Variants in PRPF6 observed in about 807,000 individuals in gnomAD.
PRPF6 encodes pre-mRNA processing factor 6, also known as pre-mRNA-processing factor 6.
Under a neutral mutation model 118.3 loss-of-function variants are expected in PRPF6, and 42 were observed. The ratio of observed to expected loss-of-function variants is 0.35; its 90% CI spans 0.28 to 0.46. The LOEUF is 0.46. Among genes scored for constraint, PRPF6 ranks in the 20% least tolerant of loss-of-function variants. The probability of loss-of-function intolerance (pLI) is 1.00; values close to 1 mark genes in which losing one functional copy is unlikely to be tolerated. For synonymous variants in PRPF6, 481 were observed against 485.1 expected (o/e 0.99, Z 0.11); for missense variants, 662 against 1,255.7 (o/e 0.53, Z 7.15).
intron 9 of PRPF6, among the ~76,000 whole-genome samples, chr20:64,003,501 C>T (rs535164980): frequency 4.6e-5 from 7 of 152,324 alleles, no homozygotes; most frequent in South Asian, 2.1e-4. Context: ...CATGTTCCCC[C>T]GACCCTGTGC....
chr20:63,995,344 C>A lies in PRPF6; in HGVS notation c.633C>A (p.Asn211Lys). 1 of 1,613,054 alleles carries A rather than the reference C, an allele frequency of 6.2e-7. No homozygotes were observed. The highest frequency in any genetic ancestry group is 8.5e-7 in the Non-Finnish European group (1 of 1,179,536). ...DPRQTQFGGL[N>K]TPYPGGLNTP... ...CCCTCCAGCAATTTGGAGGTCTTAA[C>A]ACACCCTATCCAGGTGGACTAAACA... is the stretch of plus-strand genomic sequence containing the variant. The change falls in exon 6 of 21, where the codon AAC (asparagine) becomes AAA (lysine). Residue 211 changes from asparagine to lysine, a missense_variant. By Grantham distance (94) the Asn-to-Lys change is moderately conservative (BLOSUM62 0). Around this residue, in one of 10 missense-constraint regions of PRPF6, gnomAD observed 97 missense variants for 122.6 expected, o/e 0.79. Transcript: ENST00000266079.
chr20:64,011,594 T>C lies in PRPF6; in HGVS notation c.1524+91T>C. 7.2e-7 allele frequency: 1 copy of C among 1,396,648 alleles called. No homozygotes were observed. Among genetic ancestry groups the C allele is most frequent in the Non-Finnish European group, 9.8e-7 (1 of 1,017,220 alleles). 86.5% of individuals were successfully genotyped at this position (1,396,648 alleles called of 1,614,324 possible). A position where few individuals can be genotyped will look rare whatever the true frequency, so the allele number is the denominator to read the frequency against. On this transcript the variant is annotated intron_variant, in intron 11 of 20. Transcript: ENST00000266079. This position sits in a 1 kb window ranked among gnomAD's most constrained non-coding sequence, Gnocchi z 6.7. ...CGCAGGACTGGGGGTTGCTGGATGGTACTGGGGAGTCCTGTGCCAAACCAG... is the reference window on the plus strand; with the variant it reads ...CGCAGGACTGGGGGTTGCTGGATGGCACTGGGGAGTCCTGTGCCAAACCAG...
intron 12 of PRPF6, among the ~76,000 whole-genome samples, chr20:64,021,289 CGT>C (rs58839408): frequency 0.29 from 40,440 of 138,648 alleles, 5,600 homozygotes; most frequent in South Asian, 0.39. Flanking sequence ...CAGCCCCGTG[CGT>C]GTGTGTGTGT....
chr20:63,987,987 A>C (rs1328676500), intron 3 of PRPF6, among the ~76,000 whole-genome samples: 1 of 152,116 alleles, frequency 6.6e-6, no homozygotes. Context: ...GTTCGAGACC[A>C]GCCTGACCAA....
In PRPF6 at chr20:63,995,014, G is replaced by A; in HGVS notation, c.537G>A (p.Leu179=). 1 of 1,614,192 alleles carries A rather than the reference G, an allele frequency of 6.2e-7. No individual in the cohort carries two copies. Among genetic ancestry groups the A allele is most frequent in the Non-Finnish European group, 8.5e-7 (1 of 1,180,036 alleles). The change falls in exon 5 of 21, where the codon CTG becomes CTA. Residue 179 remains leucine, a synonymous_variant. Transcript: ENST00000266079. Reference sequence around the variant, plus strand: ...AGCGGAACCCACGCTATGAGAAGCTGACCCCTGTTCCTGACAGTTTCTTTG... The same window carrying A: ...AGCGGAACCCACGCTATGAGAAGCTAACCCCTGTTCCTGACAGTTTCTTTG... ...KRQRNPRYEK[L]TPVPDSFFAK... is the part of the protein sequence containing the mutation.
intron 12 of PRPF6, among the ~76,000 whole-genome samples, chr20:64,019,893 G>T (rs1309480935): frequency 1.3e-5 from 2 of 152,214 alleles, no homozygotes; most frequent in Non-Finnish European, 2.9e-5. Context: ...CCATTTTCAT[G>T]CTGGGGCTCC....
Position 63,988,847 on chromosome 20 carries a change from C to T in PRPF6, c.359+3822C>T, listed in dbSNP as rs532270366. Among the ~76,000 whole-genome samples the T allele has an allele frequency of 1.2e-3, 178 of 144,348 alleles. 1 individual carries two copies. The highest frequency in any genetic ancestry group is 3.2e-3 in the Admixed American group (45 of 14,106). The allele number at this position is 144,348 out of a possible 152,430, so 94.7% of individuals were successfully genotyped here. ...TCGTGCCATTGCACTCCGGCCTGGGCAACAGAGTGAGACTCCGTCTCAAAA... is the reference window on the plus strand; with the variant it reads ...TCGTGCCATTGCACTCCGGCCTGGGTAACAGAGTGAGACTCCGTCTCAAAA... On this transcript the variant is annotated intron_variant, in intron 3 of 20. Coordinates refer to ENST00000266079, the MANE Select transcript of PRPF6 (RefSeq NM_012469.4).
At chr20:64,007,107 G>A (rs1489474903) in intron 9 of PRPF6, among the ~76,000 whole-genome samples, 1 of 152,222 alleles carries the variant, frequency 6.6e-6, no homozygotes, top group Non-Finnish European at 1.5e-5. Context: ...CTGCCCCATA[G>A]CTTAGGCAGC....
intron 3 of PRPF6, among the ~76,000 whole-genome samples, chr20:63,985,618 C>T (rs2059089735): frequency 6.6e-6 from 1 of 152,086 alleles, no homozygotes; most frequent in African/African-American, 2.4e-5. Context: ...ATGAAAAGGG[C>T]CTACTGACTT....
At chr20:63,993,600 G>A (rs1453428224) in intron 4 of PRPF6, 115 bp downstream of exon 4, 5 of 830,088 alleles carry the variant, frequency 6.0e-6, no homozygotes, top group Middle Eastern at 2.2e-4. Flanking sequence ...TAATTTAGGG[G>A]GTCATTGCTT....
intron 3 of PRPF6, among the ~76,000 whole-genome samples, chr20:63,992,690 GTTTTTA>G (rs1405649948): frequency 6.6e-6 from 1 of 151,752 alleles, no homozygotes; most frequent in Non-Finnish European, 1.5e-5. Flanking sequence ...ATTTCTACAT[GTTTTTA>G]TTTGGTGGAT....
intron 2 of PRPF6, among the ~76,000 whole-genome samples, chr20:63,984,640 C>T (rs747222435): frequency 6.6e-6 from 1 of 152,148 alleles, no homozygotes; most frequent in East Asian, 1.9e-4. Flanking sequence ...CATGAATGTC[C>T]GCTTTCTGGC....
intron 10 of PRPF6, among the ~76,000 whole-genome samples, chr20:64,010,958 C>G (rs901550954): frequency 6.6e-6 from 1 of 152,160 alleles, no homozygotes; most frequent in Non-Finnish European, 1.5e-5. Flanking sequence ...GTGTGTTTAG[C>G]CTGTGAGGGC....
chr20:64,032,850 G>C lies in PRPF6; in HGVS notation c.2683G>C (p.Glu895Gln), dbSNP rs751808061. The C allele has an allele frequency of 6.2e-7, 1 of 1,610,056 alleles. No homozygotes were observed. The highest frequency in any genetic ancestry group is 8.5e-7 in the Non-Finnish European group (1 of 1,178,820). The change falls in exon 21 of 21, where the codon GAG (glutamate) becomes CAG (glutamine). Residue 895 changes from glutamate (E) to glutamine (Q), a missense_variant. By Grantham distance (29) the Glu-to-Gln change is conservative. Coordinates refer to ENST00000266079, the MANE Select transcript of PRPF6 (RefSeq NM_012469.4). The stretch of plus-strand genomic sequence containing the variant: ...CCTGTGGTCCCCCCAGGAGCAGCAG[G>C]AGGAGGTGAGGAAGCGCTGTGAGAG... ...ELQHGTEEQQ[E>Q]EVRKRCESAE...
chr20:63,994,533 A>C (rs1181436556), intron 4 of PRPF6, among the ~76,000 whole-genome samples: 2 of 152,178 alleles, frequency 1.3e-5, no homozygotes, highest in Non-Finnish European at 2.9e-5. Flanking sequence ...TAATCTCAGC[A>C]CTTTGGGAGG....
intron 19 of PRPF6, 50 bp from the exon 20 acceptor site, chr20:64,031,868 T>G: frequency 6.2e-7 from 1 of 1,613,402 alleles, no homozygotes; most frequent in Non-Finnish European, 8.5e-7. Flanking sequence ...TGCCCCAGAA[T>G]ACCGTCCTGC....
chr20:64,022,922 C>T, intron 13 of PRPF6, 44 bp downstream of exon 13: 1 of 1,613,396 alleles, frequency 6.2e-7, no homozygotes, highest in Non-Finnish European at 8.5e-7. Flanking sequence ...AATGAAACCT[C>T]CAGCTCCATT....
At chr20:64,020,796 T>TC (rs1291864013) in intron 12 of PRPF6, among the ~76,000 whole-genome samples, 4 of 151,186 alleles carry the variant, frequency 2.6e-5, no homozygotes, top group Non-Finnish European at 5.9e-5. Context: ...TTTTTTTTTT[T>TC]TTTTTTTTGA....
intron 11 of PRPF6, among the ~76,000 whole-genome samples, chr20:64,012,993 G>C (rs1421705643): frequency 8.0e-6 from 1 of 124,590 alleles, no homozygotes; most frequent in Non-Finnish European, 1.6e-5. Flanking sequence ...GAGTCTTTCT[G>C]TCACCCAGGC....
Sources: allele counts gnomAD v4.1 joint callset (sites outside exome capture counted in the v4.1 genomes callset), GRCh38; gene constraint gnomAD v4.1.1; regional missense constraint gnomAD v4.1.1; non-coding constraint Gnocchi (gnomAD v3.1); transcripts MANE v1.5; gene names NCBI Gene and HGNC (gene_info 2026-07-23, HGNC 2026-07-21).